The following USP8 variants were observed in gnomAD, a reference collection of about 807,000 sequenced individuals.
The protein encoded by USP8 is ubiquitin specific peptidase 8.
USP8 carries 27 observed loss-of-function variants against 130.0 expected under a neutral mutation model. The observed-to-expected ratio is 0.21, with a 90% CI of 0.15 to 0.29. USP8 has a LOEUF of 0.29. Ranked by LOEUF, USP8 falls within the 10% of genes least tolerant of loss-of-function variation. The pLI is 1.00. For synonymous variants in USP8, 392 were observed against 444.1 expected, an observed-to-expected ratio of 0.88 and a Z score of 1.48; for missense variants, 1,029 against 1,312.2, an observed-to-expected ratio of 0.78 and a Z score of 3.33.
rs771430115 is a variant in USP8, at chr15:50,481,652, C to T, written c.1390C>T (p.Arg464Cys). ...CATGTTAACAGATGAAGAAAAGGCTCGTATTCATGCAGAAACTGCTCTTCT... is the reference window on the plus strand; with the variant it reads ...CATGTTAACAGATGAAGAAAAGGCTTGTATTCATGCAGAAACTGCTCTTCT... The part of the protein sequence containing the change: ...TLMLTDEEKA[R>C]IHAETALLME... Residue 464 changes from arginine to cysteine, a missense_variant, in exon 11 of 20, where the codon CGT (arginine) becomes TGT (cysteine). Transcript: ENST00000307179. The T allele has an allele frequency of 2.5e-6, 4 of 1,612,970 alleles. No homozygotes were observed. Among genetic ancestry groups the T allele is most frequent in the South Asian group, 1.1e-5 (1 of 90,798 alleles).
intron 10 of USP8, 109 bp from the exon 11 acceptor site, chr15:50,481,372 G>T (rs887962026): frequency 1.3e-6 from 1 of 742,052 alleles, no homozygotes; most frequent in Non-Finnish European, 2.0e-6. Flanking sequence ...TGTGCTGATA[G>T]ATGTTGTCTC....
chr15:50,440,858 C>T (rs1430510498), intron 2 of USP8, among the ~76,000 whole-genome samples: 5 of 151,954 alleles, frequency 3.3e-5, no homozygotes, highest in Non-Finnish European at 5.9e-5. Flanking sequence ...AAAAATTAGC[C>T]AGGCATGGTG....
Position 50,495,858 on chromosome 15 carries a change from G to A in USP8, c.2669G>A (p.Arg890Gln), listed in dbSNP as rs772845486. The A allele has an allele frequency of 4.3e-6, 7 of 1,611,114 alleles. No homozygotes were observed. The highest frequency in any genetic ancestry group is 1.1e-5 in the South Asian group (1 of 90,666). ...LHEDLNKADN[R>Q]KRYKEENNDH... ...TCATTTTATTTCCAGGCTGATAATCGGAAGAGATATAAAGAAGAAAATAAT... is the reference window on the plus strand; with the variant it reads ...TCATTTTATTTCCAGGCTGATAATCAGAAGAGATATAAAGAAGAAAATAAT... Residue 890 changes from arginine (R) to glutamine (Q), a missense_variant, in exon 17 of 20, where the codon CGG becomes CAG. Transcript: ENST00000307179.
At chr15:50,477,070 G>T (rs1454162591) in intron 9 of USP8, 77 bp downstream of exon 9, 44 of 1,550,836 alleles carry the variant, frequency 2.8e-5, no homozygotes, top group Non-Finnish European at 3.8e-5. Context: ...TAACATTCTT[G>T]GTTGTGTGTG....
intron 7 of USP8, 59 bp downstream of exon 7, chr15:50,465,250 A>AG: frequency 3.4e-6 from 5 of 1,452,500 alleles, no homozygotes; most frequent in Non-Finnish European, 4.6e-6. Context: ...TGTGGACCTT[A>AG]GTAAATGTTA....
intron 1 of USP8, among the ~76,000 whole-genome samples, chr15:50,425,773 C>T (rs1334679319): frequency 6.6e-6 from 1 of 152,026 alleles, no homozygotes; most frequent in Admixed American, 6.6e-5. Flanking sequence ...CCTTTTTTAG[C>T]ATTTCGTTTT....
rs558082065 is a variant in USP8 at position 50,493,694 on chromosome 15, G to A, written c.2448-376G>A. The A allele has an allele frequency of 1.3e-4, 49 of 371,652 alleles. 1 individual carries two copies. The East Asian group carries it at 2.2e-3, about 17-fold the overall frequency. 23.0% of individuals were successfully genotyped at this position (371,652 alleles called of 1,614,324 possible). A position where few individuals can be genotyped will look rare whatever the true frequency, so the allele number is the denominator to read the frequency against. On this transcript the variant is annotated intron_variant, in intron 15 of 19. Transcript: ENST00000307179. The stretch of plus-strand genomic sequence containing the variant: ...CAGAAGGTCAAGGCTGCAGTGAGCC[G>A]TGATTGTGCCGCTATACTCCACCAG...
At position 50,513,489 on chromosome 15, in the gene USP8, C is replaced by G. The variant is rs2052764901; in HGVS notation, c.*14401C>G. The G allele has an allele frequency of 7.8e-6, 1 of 127,732 alleles. No homozygotes were observed. The highest frequency in any genetic ancestry group is 1.6e-5 in the Non-Finnish European group (1 of 63,572). The allele number at this position is 127,732 out of a possible 1,614,324, so 7.9% of individuals were successfully genotyped here. A position where few individuals can be genotyped will look rare whatever the true frequency, so the allele number is the denominator to read the frequency against. On this transcript the variant is annotated 3_prime_UTR_variant, in exon 20 of 20. Coordinates refer to ENST00000307179, the MANE Select transcript of USP8 (RefSeq NM_005154.5). ...ATGAGGGAGGTGGATCACCTGAGGTCATGAGTTCGAGACAAGAGCGAAACT... is the reference window on the plus strand; with the variant it reads ...ATGAGGGAGGTGGATCACCTGAGGTGATGAGTTCGAGACAAGAGCGAAACT...
At chr15:50,493,677 C>G (rs2052264676) in intron 15 of USP8, 1 of 371,538 alleles carries the variant, frequency 2.7e-6, no homozygotes. Flanking sequence ...CCCAGAAGGT[C>G]AAGGCTGCAG....
chr15:50,441,205 T>C, intron 2 of USP8, 144 bp from the exon 3 acceptor site: 2 of 704,596 alleles, frequency 2.8e-6, no homozygotes, highest in South Asian at 2.7e-5. Context: ...TGCGTCCTGG[T>C]TCATAACAGG....
chr15:50,495,708 ACACT>A, intron 16 of USP8, 136 bp from the exon 17 acceptor site: 1 of 619,072 alleles, frequency 1.6e-6, no homozygotes, highest in Non-Finnish European at 2.7e-6. Flanking sequence ...ATTTTTTGCC[ACACT>A]CAGTGAGATC....
intron 14 of USP8, among the ~76,000 whole-genome samples, chr15:50,491,413 T>A (rs894252298): frequency 6.6e-6 from 1 of 152,240 alleles, no homozygotes; most frequent in Non-Finnish European, 1.5e-5. Context: ...AATCTTGTTA[T>A]AGATTTTAGA....
In USP8 at chr15:50,499,202, G is replaced by C; in HGVS notation, c.*114G>C. Reference sequence around the variant, plus strand: ...GGCCATTTAGAGGAATTCTAGGACAGTGGGAGCTGTGTTACTAGCACTATA... The same window carrying C: ...GGCCATTTAGAGGAATTCTAGGACACTGGGAGCTGTGTTACTAGCACTATA... On this transcript the variant is annotated 3_prime_UTR_variant, in exon 20 of 20. Coordinates refer to ENST00000307179, the MANE Select transcript of USP8 (RefSeq NM_005154.5). 9.8e-7 allele frequency: 1 copy of C among 1,023,930 alleles called. No individual in the cohort carries two copies. Among genetic ancestry groups the C allele is most frequent in the Non-Finnish European group, 1.4e-6 (1 of 730,502 alleles). The allele number at this position is 1,023,930 out of a possible 1,614,324, so 63.4% of individuals were successfully genotyped here. A position where few individuals can be genotyped will look rare whatever the true frequency, so the allele number is the denominator to read the frequency against.
chr15:50,459,175 T>G lies in USP8; in HGVS notation c.498+13T>G. On this transcript the variant is annotated intron_variant, in intron 5 of 19. Coordinates refer to ENST00000307179, the MANE Select transcript of USP8 (RefSeq NM_005154.5). ...CAAAACCCAAAAGGTATTTCAAATTTAATGTGTGAGTTAAAAGACTGTTTC... is the reference window on the plus strand; with the variant it reads ...CAAAACCCAAAAGGTATTTCAAATTGAATGTGTGAGTTAAAAGACTGTTTC... The G allele has an allele frequency of 6.3e-7, 1 of 1,597,128 alleles. No individual in the cohort carries two copies. The highest frequency in any genetic ancestry group is 8.5e-7 in the Non-Finnish European group (1 of 1,174,640).
intron 4 of USP8, among the ~76,000 whole-genome samples, chr15:50,456,703 T>C (rs1038877459): frequency 4.6e-5 from 7 of 151,982 alleles, no homozygotes; most frequent in African/African-American, 1.7e-4. Context: ...CTGGCCAACA[T>C]GGTGAGACCC....
At chr15:50,446,270 C>G (rs1270538235) in intron 3 of USP8, among the ~76,000 whole-genome samples, 1 of 152,134 alleles carries the variant, frequency 6.6e-6, no homozygotes, top group African/African-American at 2.4e-5. Context: ...TTTATATTTA[C>G]TTTAACTGTG....
chr15:50,471,498 C>G, intron 7 of USP8, 135 bp from the exon 8 acceptor site: 1 of 845,116 alleles, frequency 1.2e-6, no homozygotes, highest in Non-Finnish European at 1.8e-6. Flanking sequence ...AATATATAAC[C>G]TCACCTTAGA....
Position 50,482,031 on chromosome 15 carries a change from A to G in USP8, c.1769A>G (p.His590Arg). The G allele has an allele frequency of 3.3e-6, 5 of 1,537,216 alleles. No homozygotes were observed. The highest frequency in any genetic ancestry group is 8.7e-7 in the Non-Finnish European group (1 of 1,149,342). The change falls in exon 11 of 20, where the codon CAT (histidine) becomes CGT (arginine). Residue 590 changes from histidine to arginine, a missense_variant. Coordinates refer to ENST00000307179, the MANE Select transcript of USP8 (RefSeq NM_005154.5). ...IQKKSTGDVP[H>R]TSVTGDSGSG... ...AAAAAGTCAACAGGAGATGTGCCCC[A>G]TACATCTGTGACAGGGGATTCAGGT...
intron 11 of USP8, among the ~76,000 whole-genome samples, chr15:50,483,161 A>G (rs1036812665): frequency 6.6e-6 from 1 of 152,230 alleles, no homozygotes; most frequent in African/African-American, 2.4e-5. Flanking sequence ...TGATAACCCC[A>G]TAAGGTATTT....
Sources: allele counts gnomAD v4.1 joint callset (sites outside exome capture counted in the v4.1 genomes callset), GRCh38; gene constraint gnomAD v4.1.1; transcripts MANE v1.5; gene names NCBI Gene and HGNC (gene_info 2026-07-23, HGNC 2026-07-21).